Variants in SUPT3H observed in about 807,000 individuals in gnomAD.
The protein encoded by SUPT3H is SPT3 homolog, SAGA and STAGA complex component, also known as transcription initiation protein SPT3 homolog.
In SUPT3H, 44 loss-of-function variants were observed where a neutral mutation model predicts 44.3. The observed-to-expected ratio is 0.99, with a 90% CI of 0.78 to 1.28. SUPT3H has a LOEUF of 1.28. SUPT3H is among the 50% of genes most tolerant of loss of function. The pLI is 0.00. For missense variants in SUPT3H, 380 were observed against 387.1 expected (o/e 0.98, Z 0.15); for synonymous variants, 124 against 125.6 (o/e 0.99, Z 0.09).
chr6:45,227,241 A>G (rs2153638187), intron 2 of SUPT3H, among the ~76,000 whole-genome samples: 1 of 151,834 alleles, frequency 6.6e-6, no homozygotes, highest in Non-Finnish European at 1.5e-5. Flanking sequence ...TGTTTATAAG[A>G]GAAAAATTTC....
chr6:45,307,821 G>A (rs796770313), intron 2 of SUPT3H, among the ~76,000 whole-genome samples: 2 of 152,264 alleles, frequency 1.3e-5, no homozygotes, highest in African/African-American at 4.8e-5. Context: ...AAGCTTCTCC[G>A]AGCTAAAGGA....
chr6:44,809,869 A>G (rs907607355), intron 11 of SUPT3H, among the ~76,000 whole-genome samples: 2 of 152,160 alleles, frequency 1.3e-5, no homozygotes, highest in Non-Finnish European at 2.9e-5. Context: ...AGTTAAAGCA[A>G]TTTCTCAAAC....
chr6:45,171,713 CTTTTTTTT>C (rs777154020), intron 2 of SUPT3H, among the ~76,000 whole-genome samples: 2 of 93,474 alleles, frequency 2.1e-5, no homozygotes, highest in African/African-American at 8.9e-5. Flanking sequence ...ATTCCACTTG[CTTTTTTTT>C]TTTTTTTTTT....
chr6:45,362,850 T>A (rs967197488), intron 2 of SUPT3H, among the ~76,000 whole-genome samples: 3 of 152,056 alleles, frequency 2.0e-5, no homozygotes, highest in South Asian at 2.1e-4. Context: ...TCAGTTTTTT[T>A]AAAATGGCCC....
chr6:45,215,122 C>T (rs1764826785), intron 2 of SUPT3H, among the ~76,000 whole-genome samples: 1 of 152,166 alleles, frequency 6.6e-6, no homozygotes, highest in South Asian at 2.1e-4. Context: ...ACTACCACTA[C>T]TGCACTAACT....
intron 10 of SUPT3H, among the ~76,000 whole-genome samples, chr6:44,886,150 T>C (rs1039874848): frequency 6.6e-6 from 1 of 152,200 alleles, no homozygotes; most frequent in Non-Finnish European, 1.5e-5. Context: ...TTGGTGTTCC[T>C]GAAAGTGACG....
At chr6:45,276,810 A>C (rs1440666333) in intron 2 of SUPT3H, among the ~76,000 whole-genome samples, 1 of 152,188 alleles carries the variant, frequency 6.6e-6, no homozygotes, top group African/African-American at 2.4e-5. Flanking sequence ...TACACACATG[A>C]CCAATGAGGA....
chr6:45,009,529 G>A (rs892688145), intron 5 of SUPT3H, among the ~76,000 whole-genome samples: 9 of 152,070 alleles, frequency 5.9e-5, no homozygotes, highest in African/African-American at 1.4e-4. Flanking sequence ...TCTCTTGGAC[G>A]TGGATATCCA....
At chr6:44,821,000 G>A (rs962361270) in intron 11 of SUPT3H, among the ~76,000 whole-genome samples, 13 of 152,104 alleles carry the variant, frequency 8.5e-5, no homozygotes, top group African/African-American at 3.1e-4. Flanking sequence ...ACAGGAATGT[G>A]CCACTGTGCC....
chr6:45,233,765 C>G (rs1562755013), intron 2 of SUPT3H, among the ~76,000 whole-genome samples: 1 of 152,096 alleles, frequency 6.6e-6, no homozygotes, highest in Admixed American at 6.6e-5. Flanking sequence ...TGTCTGATGC[C>G]TTAGCCATTT....
chr6:45,260,811 T>C (rs995426395), intron 2 of SUPT3H, among the ~76,000 whole-genome samples: 3 of 152,190 alleles, frequency 2.0e-5, no homozygotes, highest in South Asian at 2.1e-4. Context: ...GCTAACAAGA[T>C]AGGCAAATAA....
At chr6:45,184,558 G>T (rs1181906235) in intron 2 of SUPT3H, among the ~76,000 whole-genome samples, 1 of 152,042 alleles carries the variant, frequency 6.6e-6, no homozygotes, top group East Asian at 1.9e-4. Flanking sequence ...AGAGCTCCCA[G>T]GTCATTCCTC....
intron 10 of SUPT3H, among the ~76,000 whole-genome samples, chr6:44,921,828 T>C (rs1205934862): frequency 6.6e-6 from 1 of 152,214 alleles, no homozygotes; most frequent in Non-Finnish European, 1.5e-5. Context: ...GCTGTGAACT[T>C]CTGCAGCCAG....
intron 10 of SUPT3H, among the ~76,000 whole-genome samples, chr6:44,841,071 T>C (rs1770855546): frequency 6.6e-6 from 1 of 152,226 alleles, no homozygotes; most frequent in Admixed American, 6.5e-5. Context: ...TCTGCCATTA[T>C]TGGAAGCTTC....
At chr6:44,968,629 G>A (rs1001342206) in intron 6 of SUPT3H, among the ~76,000 whole-genome samples, 2 of 151,956 alleles carry the variant, frequency 1.3e-5, no homozygotes, top group Non-Finnish European at 2.9e-5. Flanking sequence ...TTTGGTCCTG[G>A]GGTATTGCAA....
intron 9 of SUPT3H, among the ~76,000 whole-genome samples, chr6:44,942,892 T>A (rs1582652361): frequency 6.6e-6 from 1 of 152,140 alleles, no homozygotes; most frequent in Non-Finnish European, 1.5e-5. Context: ...TGAACACATA[T>A]ACCAATGCCA....
At chr6:45,155,424 G>A (rs1807655882) in intron 2 of SUPT3H, among the ~76,000 whole-genome samples, 1 of 152,104 alleles carries the variant, frequency 6.6e-6, no homozygotes, top group African/African-American at 2.4e-5. Flanking sequence ...GCTGATGTGG[G>A]CAGCAGTGAC....
intron 2 of SUPT3H, among the ~76,000 whole-genome samples, chr6:45,325,910 T>C (rs1207965109): frequency 6.6e-6 from 1 of 151,818 alleles, no homozygotes. Flanking sequence ...AAAAAATTCA[T>C]GTGGATAATG....
intron 2 of SUPT3H, among the ~76,000 whole-genome samples, chr6:45,146,675 G>A (rs752597318): frequency 1.3e-5 from 2 of 152,074 alleles, no homozygotes; most frequent in Non-Finnish European, 2.9e-5. Flanking sequence ...TACAATCAAT[G>A]CCTAATAATC....
Sources: gnomAD v4.1 joint callset for allele counts (sites outside exome capture counted in the v4.1 genomes callset) on GRCh38, gnomAD v4.1.1 for gene constraint, MANE v1.5 for transcripts, NCBI Gene and HGNC (gene_info 2026-07-23, HGNC 2026-07-21) for gene names.